Variants in LEPROT observed in about 807,000 individuals in gnomAD.
The protein encoded by LEPROT is leptin receptor gene-related protein.
Under a neutral mutation model 15.4 loss-of-function variants are expected in LEPROT, and 3 were observed. The ratio of observed to expected loss-of-function variants is 0.19; its 90% CI spans 0.09 to 0.50. The LOEUF is 0.50. Among genes scored for constraint, LEPROT ranks in the 20% least tolerant of loss-of-function variants. LEPROT has a pLI of 0.97. For synonymous variants in LEPROT, 59 were observed against 57.5 expected, an observed-to-expected ratio of 1.03 and a Z score of -0.12; for missense variants, 137 against 162.2, an observed-to-expected ratio of 0.84 and a Z score of 0.84.
rs1646509207 is a variant in LEPROT at position 65,433,041 on chromosome 1, A to C, written c.*1122A>C. 15 of 985,224 alleles carry C rather than the reference A, an allele frequency of 1.5e-5. No homozygotes were observed. Among genetic ancestry groups the C allele is most frequent in the African/African-American group, 1.7e-5 (1 of 57,230 alleles). 61.0% of individuals were successfully genotyped at this position (985,224 alleles called of 1,614,324 possible). On this transcript the variant is annotated 3_prime_UTR_variant, in exon 4 of 4. Transcript: ENST00000371065. Reference sequence around the variant, plus strand: ...AAGACAATGCTGGGGGAAGAGCTCCACTGAGATGCGGGCAGGGAGGCTGGG... The same window carrying C: ...AAGACAATGCTGGGGGAAGAGCTCCCCTGAGATGCGGGCAGGGAGGCTGGG...
At chr1:65,431,065 T>A (rs990822161) in intron 3 of LEPROT, among the ~76,000 whole-genome samples, 1 of 152,180 alleles carries the variant, frequency 6.6e-6, no homozygotes, top group African/African-American at 2.4e-5. Context: ...TTAGCAATGG[T>A]CTTGAACCCC....
At chr1:65,424,701 T>C (rs1646323512) in intron 1 of LEPROT, among the ~76,000 whole-genome samples, 1 of 152,228 alleles carries the variant, frequency 6.6e-6, no homozygotes, top group South Asian at 2.1e-4. Context: ...AGATCTGGTG[T>C]CTGGTGAGAG....
Position 65,420,754 on chromosome 1 carries a change from C to A in LEPROT, c.16+14C>A. On this transcript the variant is annotated intron_variant, in intron 1 of 3. Coordinates refer to ENST00000371065, the MANE Select transcript of LEPROT (RefSeq NM_017526.5). The stretch of plus-strand genomic sequence containing the variant: ...CGGGCGTTAAAGGTACATCGCGGTC[C>A]CCGGCTCGCTTGTCGTGTGGTGGGG... 6.3e-7 allele frequency: 1 copy of A among 1,578,538 alleles called. No homozygotes were observed. Among genetic ancestry groups the A allele is most frequent in the South Asian group, 1.2e-5 (1 of 86,148 alleles).
In LEPROT at chr1:65,429,961, T is replaced by G. The variant is rs758580744; in HGVS notation, c.192T>G (p.Ser64Arg). 6.3e-7 allele frequency: 1 copy of G among 1,580,076 alleles called. No homozygotes were observed. ...RVTYDSDATS[S>R]ACRELAYFFT... Reference sequence around the variant, plus strand: ...CCTATGACTCAGATGCAACCAGTAGTGCCTGTCGGGAACTGGCATATTTCT... The same window carrying G: ...CCTATGACTCAGATGCAACCAGTAGGGCCTGTCGGGAACTGGCATATTTCT... The change falls in exon 3 of 4, where the codon AGT becomes AGG. Residue 64 changes from serine to arginine, a missense_variant. By Grantham distance (110) the Ser-to-Arg change is moderately radical (BLOSUM62 -1). Coordinates refer to ENST00000371065, the MANE Select transcript of LEPROT (RefSeq NM_017526.5).
chr1:65,430,012 C>G lies in LEPROT; in HGVS notation c.243C>G (p.Ala81=), dbSNP rs1216584143. ...YFFTTGIVVS[A]FGFPVILARV... ...TCACTACTGGAATTGTTGTTTCTGC[C>G]TTTGGATTTCCTGTTATTCTTGCTC... Residue 81 remains alanine (A), a synonymous_variant, in exon 3 of 4, where the codon GCC becomes GCG. Coordinates refer to ENST00000371065, the MANE Select transcript of LEPROT (RefSeq NM_017526.5). The G allele has an allele frequency of 4.5e-6, 7 of 1,567,190 alleles. No homozygotes were observed. The African/African-American group carries it at 9.4e-5, about 21-fold the overall frequency.
At chr1:65,423,983 A>G (rs72921432) in intron 1 of LEPROT, among the ~76,000 whole-genome samples, 3,293 of 152,326 alleles carry the variant, frequency 0.022, 125 homozygotes, top group African/African-American at 0.076. Context: ...CCATAAGCTC[A>G]ATAAGGTGGC....
chr1:65,425,155 G>C, intron 1 of LEPROT, 148 bp from the exon 2 acceptor site: 1 of 640,362 alleles, frequency 1.6e-6, no homozygotes, highest in Non-Finnish European at 2.7e-6. Context: ...AGGTTATGCA[G>C]CCATCACTAC....
chr1:65,430,006 T>G lies in LEPROT; in HGVS notation c.237T>G (p.Val79=). 6.4e-7 allele frequency: 1 copy of G among 1,572,820 alleles called. No individual in the cohort carries two copies. The highest frequency in any genetic ancestry group is 1.3e-5 in the African/African-American group (1 of 74,460). Residue 79 remains valine (V), a synonymous_variant, in exon 3 of 4, where the codon GTT becomes GTG. Transcript: ENST00000371065. ...ATTTCTTCACTACTGGAATTGTTGT[T>G]TCTGCCTTTGGATTTCCTGTTATTC... The part of the protein sequence containing the change: ...LAYFFTTGIV[V]SAFGFPVILA...
Position 65,435,187 on chromosome 1 carries a change from T to C in LEPROT, c.*3268T>C. On this transcript the variant is annotated 3_prime_UTR_variant, in exon 4 of 4. Coordinates refer to ENST00000371065, the MANE Select transcript of LEPROT (RefSeq NM_017526.5). ...GCTGGTCCTGCTTTTCATAGTTGTT[T>C]CTTTTCTTCCACTTAAGAACTCATA... 1.0e-6 allele frequency: 1 copy of C among 985,430 alleles called. No individual in the cohort carries two copies. The highest frequency in any genetic ancestry group is 1.2e-6 in the Non-Finnish European group (1 of 829,938). 61.0% of individuals were successfully genotyped at this position (985,430 alleles called of 1,614,324 possible). A position where few individuals can be genotyped will look rare whatever the true frequency, so the allele number is the denominator to read the frequency against.
At chr1:65,424,784 T>A (rs1487892447) in intron 1 of LEPROT, among the ~76,000 whole-genome samples, 1 of 151,968 alleles carries the variant, frequency 6.6e-6, no homozygotes, top group African/African-American at 2.4e-5. Context: ...ACAGAGAGAG[T>A]GTGTGCTCTA....
In LEPROT at chr1:65,433,028, G is replaced by A; in HGVS notation, c.*1109G>A. 1 of 985,326 alleles carries A rather than the reference G, an allele frequency of 1.0e-6. No homozygotes were observed. The highest frequency in any genetic ancestry group is 1.2e-6 in the Non-Finnish European group (1 of 829,860). The allele number at this position is 985,326 out of a possible 1,614,324, so 61.0% of individuals were successfully genotyped here. A position where few individuals can be genotyped will look rare whatever the true frequency, so the allele number is the denominator to read the frequency against. On this transcript the variant is annotated 3_prime_UTR_variant, in exon 4 of 4. Transcript: ENST00000371065. ...TCTTTTCATCTGAAAGACAATGCTG[G>A]GGGAAGAGCTCCACTGAGATGCGGG...
Position 65,432,978 on chromosome 1 carries a change from A to C in LEPROT, c.*1059A>C. The C allele has an allele frequency of 1.0e-6, 1 of 985,428 alleles. No individual in the cohort carries two copies. Among genetic ancestry groups the C allele is most frequent in the Non-Finnish European group, 1.2e-6 (1 of 829,916 alleles). The allele number at this position is 985,428 out of a possible 1,614,324, so 61.0% of individuals were successfully genotyped here. A position where few individuals can be genotyped will look rare whatever the true frequency, so the allele number is the denominator to read the frequency against. ...CAAAACATACTCTCTCCCCCAAAAAAACATCTCAGTGGGGAACAGATGTAT... is the reference window on the plus strand; with the variant it reads ...CAAAACATACTCTCTCCCCCAAAAACACATCTCAGTGGGGAACAGATGTAT... On this transcript the variant is annotated 3_prime_UTR_variant, in exon 4 of 4. Transcript: ENST00000371065.
In LEPROT at chr1:65,435,119, A is replaced by G. The variant is rs942443387; in HGVS notation, c.*3200A>G. On this transcript the variant is annotated 3_prime_UTR_variant, in exon 4 of 4. Coordinates refer to ENST00000371065, the MANE Select transcript of LEPROT (RefSeq NM_017526.5). ...AGGATAGCAATATTTTGGGACAGGG[A>G]AAATCCTGTCATACCTCATCTCTTC... 1.0e-6 allele frequency: 1 copy of G among 985,354 alleles called. No individual in the cohort carries two copies. The allele number at this position is 985,354 out of a possible 1,614,324, so 61.0% of individuals were successfully genotyped here.
rs1041763586 is a variant in LEPROT, at chr1:65,435,969, C to T, written c.*4050C>T. 2.8e-4 allele frequency: 279 copies of T among 984,618 alleles called. No homozygotes were observed. The highest frequency in any genetic ancestry group is 3.1e-4 in the Non-Finnish European group (258 of 829,394). The allele number at this position is 984,618 out of a possible 1,614,324, so 61.0% of individuals were successfully genotyped here. A position where few individuals can be genotyped will look rare whatever the true frequency, so the allele number is the denominator to read the frequency against. On this transcript the variant is annotated 3_prime_UTR_variant, in exon 4 of 4. Transcript: ENST00000371065. ...TAACCCCAAATGTGATGTGAGAGGACGATTACTTTGTAAATAAAACTTGTT... is the reference window on the plus strand; with the variant it reads ...TAACCCCAAATGTGATGTGAGAGGATGATTACTTTGTAAATAAAACTTGTT...
intron 1 of LEPROT, chr1:65,421,365 A>G (rs557352668): frequency 3.3e-6 from 5 of 1,535,406 alleles, no homozygotes; most frequent in Admixed American, 3.9e-5. Context: ...TGTTTTTTGC[A>G]TGGGGCAGTT....
chr1:65,429,115 C>A (rs1033006589), intron 2 of LEPROT, among the ~76,000 whole-genome samples: 5 of 152,058 alleles, frequency 3.3e-5, no homozygotes, highest in Admixed American at 3.3e-4. Flanking sequence ...GCAGAAAGTT[C>A]AAAGAGGGTG....
At chr1:65,426,997 C>CA (rs55809705) in intron 2 of LEPROT, among the ~76,000 whole-genome samples, 197 of 137,300 alleles carry the variant, frequency 1.4e-3, no homozygotes, top group Non-Finnish European at 2.0e-3. Context: ...ACTTTGTCTC[C>CA]AAAAAAAAAA....
At position 65,434,683 on chromosome 1, in the gene LEPROT, C is replaced by T. The variant is rs1234443573; in HGVS notation, c.*2764C>T. ...CTTTTCCTAAGAACAAGGTCTTTCTCCTTTTAATTTTTCCACTCATTTTCA... is the reference window on the plus strand; with the variant it reads ...CTTTTCCTAAGAACAAGGTCTTTCTTCTTTTAATTTTTCCACTCATTTTCA... On this transcript the variant is annotated 3_prime_UTR_variant, in exon 4 of 4. Coordinates refer to ENST00000371065, the MANE Select transcript of LEPROT (RefSeq NM_017526.5). 2.0e-6 allele frequency: 2 copies of T among 985,314 alleles called. No individual in the cohort carries two copies. Among genetic ancestry groups the T allele is most frequent in the African/African-American group, 3.5e-5 (2 of 57,212 alleles). 61.0% of individuals were successfully genotyped at this position (985,314 alleles called of 1,614,324 possible).
At chr1:65,430,152 A>C in intron 3 of LEPROT, 104 bp downstream of exon 3, 1 of 1,023,960 alleles carries the variant, frequency 9.8e-7, no homozygotes, top group Non-Finnish European at 1.3e-6. Flanking sequence ...CTTTATACTC[A>C]AGGCCGTGTG....
Sources: allele counts gnomAD v4.1 joint callset (sites outside exome capture counted in the v4.1 genomes callset), GRCh38; gene constraint gnomAD v4.1.1; transcripts MANE v1.5; gene names NCBI Gene and HGNC (gene_info 2026-07-23, HGNC 2026-07-21).